GRAMD4: variants seen among roughly 807,000 people sequenced by gnomAD.
The protein encoded by GRAMD4 is GRAM domain-containing protein 4.
In GRAMD4, 25 loss-of-function variants were observed where a neutral mutation model predicts 83.9. That is an observed-to-expected ratio of 0.30 (90% CI 0.22 to 0.42). The LOEUF is 0.42. Ranked by LOEUF, GRAMD4 falls within the 10% of genes least tolerant of loss-of-function variation. GRAMD4 has a pLI of 1.00. For missense variants in GRAMD4, 593 were observed against 788.7 expected, an observed-to-expected ratio of 0.75 and a Z score of 2.97; for synonymous variants, 336 against 320.9, an observed-to-expected ratio of 1.05 and a Z score of -0.50.
At chr22:46,625,428 C>T (rs538313917) in intron 1 of GRAMD4, among the ~76,000 whole-genome samples, 1 of 152,232 alleles carries the variant, frequency 6.6e-6, no homozygotes, top group African/African-American at 2.4e-5. Flanking sequence ...CCATGCTGCC[C>T]GCCCCAAGCA....
At chr22:46,618,274 G>A (rs945079144), upstream of GRAMD4, among the ~76,000 whole-genome samples, 7 of 152,052 alleles carry the variant, frequency 4.6e-5, no homozygotes, top group Non-Finnish European at 1.5e-5. The surrounding 1 kb of genome is among the most constrained non-coding windows in gnomAD (Gnocchi z 5.8). Context: ...CCCCTGCCCC[G>A]GGGGAGCACC....
Position 46,678,622 on chromosome 22 carries a change from G to C in GRAMD4, c.*1371G>C. ...GCTTGTCCTGAGTCCCTTGGGTGTC[G>C]TTGAGATTGTTGTTTTTTGAAGAAA... is the stretch of plus-strand genomic sequence containing the variant. On this transcript the variant is annotated 3_prime_UTR_variant, in exon 19 of 19. Coordinates refer to ENST00000406902, the MANE Select transcript of GRAMD4 (RefSeq NM_015124.5). 1.0e-6 allele frequency: 1 copy of C among 985,498 alleles called. No individual in the cohort carries two copies. Among genetic ancestry groups the C allele is most frequent in the Non-Finnish European group, 1.2e-6 (1 of 829,918 alleles). The allele number at this position is 985,498 out of a possible 1,614,324, so 61.0% of individuals were successfully genotyped here.
In GRAMD4 at chr22:46,648,808, A is replaced by G. The variant is rs1309507293; in HGVS notation, c.284-9379A>G. On this transcript the variant is annotated intron_variant, in intron 3 of 18. Coordinates refer to ENST00000406902, the MANE Select transcript of GRAMD4 (RefSeq NM_015124.5). ...GATGGATGGATGGATGGATGCATGG[A>G]TGGATGGATGGATGGATGGATGGAT... 7.0e-5 allele frequency among the ~76,000 whole-genome samples: 7 copies of G among 99,996 alleles called. 3 individuals are homozygous for G. In the East Asian group the frequency reaches 2.5e-3, roughly 36 times the overall value. The allele number at this position is 99,996 out of a possible 152,430, so 65.6% of individuals were successfully genotyped here.
chr22:46,665,236 C>T (rs552203292), intron 8 of GRAMD4, among the ~76,000 whole-genome samples: 1 of 152,356 alleles, frequency 6.6e-6, no homozygotes, highest in Admixed American at 6.5e-5. Context: ...AAGGTGGCCC[C>T]GGGCATGCAC....
At position 46,637,836 on chromosome 22, in the gene GRAMD4, C is replaced by G; in HGVS notation, c.163-4C>G. ...CCTTTGAGCTTTTGGTGTTTTTCTT[C>G]TAGGCTGGTCCAGGGACCCTCATCA... On this transcript the variant is annotated splice_region_variant and splice_polypyrimidine_tract_variant and intron_variant, in intron 2 of 18. Coordinates refer to ENST00000406902, the MANE Select transcript of GRAMD4 (RefSeq NM_015124.5). 6.2e-7 allele frequency: 1 copy of G among 1,613,894 alleles called. No individual in the cohort carries two copies. Among genetic ancestry groups the G allele is most frequent in the South Asian group, 1.1e-5 (1 of 91,058 alleles).
chr22:46,597,247 A>G (rs1033895648), intron 1 of GRAMD4, among the ~76,000 whole-genome samples: 3 of 152,118 alleles, frequency 2.0e-5, no homozygotes, highest in Non-Finnish European at 4.4e-5. Flanking sequence ...GGCAGGAGGC[A>G]TACTGCTAAG....
In GRAMD4 at chr22:46,663,139, C is replaced by G. The variant is rs1295796218; in HGVS notation, c.566C>G (p.Thr189Ser). Residue 189 changes from threonine (T) to serine (S), a missense_variant, in exon 6 of 19, where the codon ACT becomes AGT. By Grantham distance (58) the Thr-to-Ser change is moderately conservative. Coordinates refer to ENST00000406902, the MANE Select transcript of GRAMD4 (RefSeq NM_015124.5). ...TTCCGGTTCCAGCCCGAGGAGAACA[C>G]TGTGGAGACAGAGGAACCCCTGAGC... is the stretch of plus-strand genomic sequence containing the variant. Reference protein sequence around the residue: ...EDFRFQPEENTVETEEPLSAR... With the variant: ...EDFRFQPEENSVETEEPLSAR... 1 of 1,612,288 alleles carries G rather than the reference C, an allele frequency of 6.2e-7. No individual in the cohort carries two copies. Among genetic ancestry groups the G allele is most frequent in the African/African-American group, 1.3e-5 (1 of 74,912 alleles).
intron 2 of GRAMD4, among the ~76,000 whole-genome samples, chr22:46,627,207 T>A (rs907046795): frequency 6.6e-6 from 1 of 152,210 alleles, no homozygotes; most frequent in Non-Finnish European, 1.5e-5. Context: ...CACTGGCTTT[T>A]CTGGGTGGGT....
downstream of GRAMD4, among the ~76,000 whole-genome samples, chr22:46,680,489 A>G (rs1354832132): frequency 6.6e-6 from 1 of 150,468 alleles, no homozygotes; most frequent in African/African-American, 2.5e-5. Context: ...AAAGTAGGAC[A>G]TATGCGTACT....
rs555677416 is a variant in GRAMD4, at chr22:46,579,371, G to A, written c.-50+2081G>A. 1.8e-4 allele frequency among the ~76,000 whole-genome samples: 27 copies of A among 152,312 alleles called. No homozygotes were observed. The South Asian group carries it at 5.6e-3, about 32-fold the overall frequency. ...AAAACGAGGGAGGAGAATCAGAGCC[G>A]GTTTTCCTGAATCACCATTTCTGCT... On this transcript the variant is annotated intron_variant, in intron 1 of 1. Transcript: ENST00000431155.
Position 46,677,683 on chromosome 22 carries a change from G to A in GRAMD4, c.*432G>A. ...ACCACCAAAGCCATAGCTGAAGAGT[G>A]CGGGGCCCTTCCTCCTGGGGACAGA... On this transcript the variant is annotated 3_prime_UTR_variant, in exon 19 of 19. Transcript: ENST00000406902. The A allele has an allele frequency of 4.0e-6, 4 of 989,026 alleles. No individual in the cohort carries two copies. The highest frequency in any genetic ancestry group is 4.8e-6 in the Non-Finnish European group (4 of 832,124). 61.3% of individuals were successfully genotyped at this position (989,026 alleles called of 1,614,324 possible). A position where few individuals can be genotyped will look rare whatever the true frequency, so the allele number is the denominator to read the frequency against.
intron 1 of GRAMD4, among the ~76,000 whole-genome samples, chr22:46,598,289 GTT>G: frequency 6.6e-6 from 1 of 152,058 alleles, no homozygotes; most frequent in South Asian, 2.1e-4. Flanking sequence ...GCTGGGTGGC[GTT>G]TTTTTGGTGA....
At position 46,596,055 on chromosome 22, in the gene GRAMD4, C is replaced by T. The variant is rs2081259224; in HGVS notation, c.-50+18765C>T. 2.0e-5 allele frequency among the ~76,000 whole-genome samples: 3 copies of T among 152,352 alleles called. No individual in the cohort carries two copies. In the South Asian group the frequency reaches 6.2e-4, roughly 32 times the overall value. On this transcript the variant is annotated intron_variant, in intron 1 of 1. Transcript: ENST00000431155. ...CAGTGCATTAGGATGGGTTCACTTT[C>T]TCGTAATTCACTCTGAGGACACGTT... is the stretch of plus-strand genomic sequence containing the variant.
chr22:46,625,743 G>T (rs1053469443), intron 1 of GRAMD4, among the ~76,000 whole-genome samples: 5 of 152,254 alleles, frequency 3.3e-5, no homozygotes, highest in African/African-American at 1.2e-4. Context: ...GCCTCTCCCT[G>T]CCTGGCTGGC....
At position 46,661,378 on chromosome 22, in the gene GRAMD4, A is replaced by G; in HGVS notation, c.405-3A>G. On this transcript the variant is annotated splice_polypyrimidine_tract_variant and splice_region_variant and intron_variant, in intron 4 of 18. Transcript: ENST00000406902. ...CTTGTCTCTTCTCTCCCTGCTTTTT[A>G]AGAACCGAGGAGCAGATGGCTCAGC... The G allele has an allele frequency of 6.2e-7, 1 of 1,611,890 alleles. No individual in the cohort carries two copies. Among genetic ancestry groups the G allele is most frequent in the Non-Finnish European group, 8.5e-7 (1 of 1,178,966 alleles).
intron 1 of GRAMD4, among the ~76,000 whole-genome samples, chr22:46,593,664 G>T (rs2081232490): frequency 1.3e-5 from 2 of 152,140 alleles, no homozygotes; most frequent in South Asian, 4.1e-4. Flanking sequence ...TGCGTCATTG[G>T]CCTGGGGTCT....
intron 3 of GRAMD4, 104 bp downstream of exon 3, chr22:46,638,064 C>G (rs920076084): frequency 3.2e-6 from 4 of 1,233,770 alleles, no homozygotes; most frequent in South Asian, 2.7e-5. Flanking sequence ...TGAAGACCCA[C>G]GCAGGCTCCA....
intron 13 of GRAMD4, among the ~76,000 whole-genome samples, chr22:46,669,856 G>A (rs911409125): frequency 6.6e-6 from 1 of 152,250 alleles, no homozygotes; most frequent in Non-Finnish European, 1.5e-5. Flanking sequence ...TGGGATTACA[G>A]GCGGGAGCCA....
At chr22:46,588,659 C>T (rs565052344) in intron 1 of GRAMD4, among the ~76,000 whole-genome samples, 4 of 152,282 alleles carry the variant, frequency 2.6e-5, no homozygotes, top group African/African-American at 4.8e-5. Flanking sequence ...CCTGGAGCTG[C>T]GGGGTGCCCA....
Sources: allele counts gnomAD v4.1 joint callset (sites outside exome capture counted in the v4.1 genomes callset), GRCh38; gene constraint gnomAD v4.1.1; non-coding constraint Gnocchi (gnomAD v3.1); transcripts MANE v1.5; gene names NCBI Gene and HGNC (gene_info 2026-07-23, HGNC 2026-07-21).